The following TYK2 variants were observed in gnomAD, a reference collection of about 807,000 sequenced individuals.
The protein encoded by TYK2 is non-receptor tyrosine-protein kinase TYK2.
A neutral mutation model predicts 130.9 loss-of-function variants in TYK2; 65 were observed. The observed-to-expected ratio is 0.50, with a 90% CI of 0.41 to 0.61. TYK2 has a LOEUF of 0.61. TYK2 is among the 20% of genes least tolerant of loss of function. TYK2 has a pLI of 0.00. For missense variants in TYK2, 1,378 were observed against 1,610.7 expected (o/e 0.86, Z 2.47); for synonymous variants, 647 against 658.9 (o/e 0.98, Z 0.28).
intron 22 of TYK2, 137 bp from the exon 23 acceptor site, chr19:10,352,688 G>T: frequency 2.8e-6 from 2 of 714,630 alleles, no homozygotes; most frequent in Non-Finnish European, 2.4e-6. Context: ...CAGCCTGAGC[G>T]GGGTGATATG....
At chr19:10,355,640 CAAAAA>C (rs34951532) in intron 18 of TYK2, among the ~76,000 whole-genome samples, 9 of 69,972 alleles carry the variant, frequency 1.3e-4, no homozygotes, top group African/African-American at 4.9e-4. Flanking sequence ...AACTCCATCT[CAAAAA>C]AAAAAAAAAG....
rs556681460 is a variant in TYK2, at chr19:10,363,432, G to A, written c.1368-775C>T. Among the ~76,000 whole-genome samples, 13 of 151,674 alleles carry A rather than the reference G, an allele frequency of 8.6e-5. No individual in the cohort carries two copies. The South Asian group carries it at 2.5e-3, about 29-fold the overall frequency. On this transcript the variant is annotated intron_variant, in intron 9 of 24. Transcript: ENST00000525621. The stretch of plus-strand genomic sequence containing the variant: ...TGGGCTCAAGTGATTCTCCCACCTC[G>A]GCCTCCTAAAGCGCTGGGATTACAG...
rs762236651 is a variant in TYK2 at position 10,364,691 on chromosome 19, G to A, written c.1290C>T (p.Ser430=). 19 of 1,613,702 alleles carry A rather than the reference G, an allele frequency of 1.2e-5. No homozygotes were observed. Among genetic ancestry groups the A allele is most frequent in the Non-Finnish European group, 1.6e-5 (19 of 1,180,004 alleles). Reference sequence around the variant, plus strand: ...CCACCTCGTGGCACAGGTAGTGGCTGGAGTCGGCCGTCAGGCGGAAATAGC... The same window carrying A: ...CCACCTCGTGGCACAGGTAGTGGCTAGAGTCGGCCGTCAGGCGGAAATAGC... ...VDGYFRLTAD[S]SHYLCHEVAP... is the part of the protein sequence containing the mutation. Residue 430 remains serine, a synonymous_variant, in exon 9 of 25, where the codon TCC becomes TCT. Coordinates refer to ENST00000525621, the MANE Select transcript of TYK2 (RefSeq NM_003331.5). The surrounding 1 kb of genome is among the most constrained non-coding windows in gnomAD (Gnocchi z 4.9).
At position 10,354,156 on chromosome 19, in the gene TYK2, G is replaced by C. The variant is rs1223123955; in HGVS notation, c.2794C>G (p.Leu932Val). The change falls in exon 20 of 25, where the codon CTC becomes GTC. Residue 932 changes from leucine to valine, a missense_variant. Physicochemically the swap from Leu to Val is conservative, Grantham distance 32. Transcript: ENST00000525621. Reference protein sequence around the residue: ...GTGEMVAVKALKADCGPQHRS... With the variant: ...GTGEMVAVKAVKADCGPQHRS... ...TGCTGGGGGCCGCAGTCTGCCTTGA[G>C]GGCTTTCACCGCCACCATCTCGCCA... 1 of 1,613,882 alleles carries C rather than the reference G, an allele frequency of 6.2e-7. No individual in the cohort carries two copies. The highest frequency in any genetic ancestry group is 8.5e-7 in the Non-Finnish European group (1 of 1,180,032).
intron 17 of TYK2, 153 bp downstream of exon 17, chr19:10,357,611 T>C (rs778597865): frequency 5.4e-5 from 57 of 1,047,552 alleles, no homozygotes; most frequent in Non-Finnish European, 7.9e-5. Context: ...TGGGACTACA[T>C]TGAGCCCCAG....
At chr19:10,368,650 G>A (rs1283251373) in intron 3 of TYK2, 10 of 535,466 alleles carry the variant, frequency 1.9e-5, no homozygotes, top group Non-Finnish European at 3.3e-5. Flanking sequence ...GGAGCCAATT[G>A]CACTGCTGGT....
chr19:10,352,960 G>A lies in TYK2; in HGVS notation c.3166C>T (p.Arg1056Cys). ...GGGCTGTCCCCATCCTCGCGCACGC[G>A]GTAGTACTCGTGGCCTTCGGGCACG... Reference protein sequence around the residue: ...KAVPEGHEYYRVREDGDSPVF... With the variant: ...KAVPEGHEYYCVREDGDSPVF... The change falls in exon 22 of 25, where the codon CGC becomes TGC. Residue 1056 changes from arginine (R) to cysteine (C), a missense_variant. Arg to Cys is a radical substitution (Grantham distance 180). Coordinates refer to ENST00000525621, the MANE Select transcript of TYK2 (RefSeq NM_003331.5). 2.5e-6 allele frequency: 4 copies of A among 1,607,722 alleles called. 1 individual carries two copies. The South Asian group carries it at 3.3e-5, about 13-fold the overall frequency.
Position 10,362,442 on chromosome 19 carries a change from C to T in TYK2, c.1491G>A (p.Met497Ile). 1 of 1,603,998 alleles carries T rather than the reference C, an allele frequency of 6.2e-7. No homozygotes were observed. The highest frequency in any genetic ancestry group is 8.5e-7 in the Non-Finnish European group (1 of 1,174,254). ...VAQRSQAPDG[M>I]QSLRLRKFPI... ...GGAACTTTCGGAGCCGCAAGCTCTG[C>T]ATGCCGTCTGGTGCCTGGCAGGAGG... The change falls in exon 11 of 25, where the codon ATG (methionine) becomes ATA (isoleucine). Residue 497 changes from methionine to isoleucine, a missense_variant. Met to Ile is a conservative substitution (Grantham distance 10). Transcript: ENST00000525621.
Position 10,359,275 on chromosome 19 carries a change from T to C in TYK2, c.2075A>G (p.His692Arg), listed in dbSNP as rs2145196306. 6.2e-7 allele frequency: 1 copy of C among 1,611,922 alleles called. No individual in the cohort carries two copies. The highest frequency in any genetic ancestry group is 8.5e-7 in the Non-Finnish European group (1 of 1,179,928). ...CCGCAGCCACACATCCAGGGGTCCGTGCTCCACGTACTCTGTCACCATGAT... is the reference window on the plus strand; with the variant it reads ...CCGCAGCCACACATCCAGGGGTCCGCGCTCCACGTACTCTGTCACCATGAT... ...ENIMVTEYVE[H>R]GPLDVWLRRE... Residue 692 changes from histidine to arginine, a missense_variant, in exon 15 of 25, where the codon CAC (histidine) becomes CGC (arginine). Transcript: ENST00000525621.
At chr19:10,371,514 C>A (rs980352758) in intron 3 of TYK2, among the ~76,000 whole-genome samples, 1 of 151,956 alleles carries the variant, frequency 6.6e-6, no homozygotes, top group African/African-American at 2.4e-5. Context: ...GTGGCGCATG[C>A]CTGTAATCCC....
chr19:10,378,837 CTTATCTT>C (rs2042265931), intron 2 of TYK2, among the ~76,000 whole-genome samples: 101 of 17,430 alleles, frequency 5.8e-3, no homozygotes, highest in African/African-American at 9.9e-3. Flanking sequence ...TATTTTATAT[CTTATCTT>C]ATCTTATCTT....
chr19:10,358,058 G>A lies in TYK2; in HGVS notation c.2256C>T (p.Ser752=). Residue 752 remains serine, a synonymous_variant, in exon 16 of 25, where the codon AGC becomes AGT. Coordinates refer to ENST00000525621, the MANE Select transcript of TYK2 (RefSeq NM_003331.5). ...LARLGLAEGT[S]PFIKLSDPGV... is the part of the protein sequence containing the mutation. ...CAGGATCACTCAGCTTGATGAAGGG[G>A]CTGGTGCCCTCTGCCAACCCCAGCC... 1 of 1,613,382 alleles carries A rather than the reference G, an allele frequency of 6.2e-7. No homozygotes were observed. The highest frequency in any genetic ancestry group is 2.2e-5 in the East Asian group (1 of 44,878).
Position 10,352,584 on chromosome 19 carries a change from G to T in TYK2, c.3201-33C>A, listed in dbSNP as rs199929318. On this transcript the variant is annotated intron_variant, in intron 22 of 24. Transcript: ENST00000525621. ...GAGGGGGGCACTCAGGCCACGGGGGGCTGCACTGAGGGCTTGGGGATCAGA... is the reference window on the plus strand; with the variant it reads ...GAGGGGGGCACTCAGGCCACGGGGGTCTGCACTGAGGGCTTGGGGATCAGA... The T allele has an allele frequency of 1.2e-5, 12 of 1,039,428 alleles. 1 individual carries two copies. The highest frequency in any genetic ancestry group is 1.7e-5 in the Non-Finnish European group (12 of 693,554). 64.4% of individuals were successfully genotyped at this position (1,039,428 alleles called of 1,614,324 possible).
intron 3 of TYK2, among the ~76,000 whole-genome samples, chr19:10,374,674 C>G (rs1411193890): frequency 2.1e-5 from 3 of 146,288 alleles, no homozygotes; most frequent in Non-Finnish European, 4.5e-5. Flanking sequence ...GAACAGCATG[C>G]ATGTTCAAGA....
At chr19:10,357,127 GC>G in intron 17 of TYK2, 1 of 383,748 alleles carries the variant, frequency 2.6e-6, no homozygotes, top group Non-Finnish European at 4.9e-6. Flanking sequence ...TGTGGCTCAT[GC>G]CTGTAATCCC....
chr19:10,361,906 A>C lies in TYK2; in HGVS notation c.1823T>G (p.Leu608Arg), dbSNP rs770426879. The change falls in exon 13 of 25, where the codon CTG (leucine) becomes CGG (arginine). Residue 608 changes from leucine to arginine, a missense_variant. Leu to Arg is a moderately radical substitution (Grantham distance 102). Coordinates refer to ENST00000525621, the MANE Select transcript of TYK2 (RefSeq NM_003331.5). The surrounding 1 kb of genome is among the most constrained non-coding windows in gnomAD (Gnocchi z 4.0). ...GTRTNVYEGR[L>R]RVEGSGDPEE... is the part of the protein sequence containing the mutation. ...AGGGTCCCCGCTGCCCTCCACTCGCAGGCGGCCCTCATACACGTTGGTCCT... is the reference window on the plus strand; with the variant it reads ...AGGGTCCCCGCTGCCCTCCACTCGCCGGCGGCCCTCATACACGTTGGTCCT... The C allele has an allele frequency of 6.2e-7, 1 of 1,613,898 alleles. No individual in the cohort carries two copies. The highest frequency in any genetic ancestry group is 1.3e-5 in the African/African-American group (1 of 74,898).
At chr19:10,366,294 G>C in intron 6 of TYK2, 123 bp downstream of exon 6, 3 of 1,015,102 alleles carry the variant, frequency 3.0e-6, no homozygotes, top group Non-Finnish European at 4.3e-6. Flanking sequence ...GTGACAGAGA[G>C]AGACTCCGGC....
At chr19:10,354,415 C>A in intron 19 of TYK2, 97 bp downstream of exon 19, 1 of 1,394,158 alleles carries the variant, frequency 7.2e-7, no homozygotes, top group Non-Finnish European at 1.0e-6. Context: ...GTCCCACCCA[C>A]ATCTCCTGAG....
intron 2 of TYK2, 87 bp from the exon 3 acceptor site, chr19:10,378,513 C>T (rs1363935588): frequency 5.5e-6 from 6 of 1,092,738 alleles, no homozygotes; most frequent in Non-Finnish European, 8.0e-6. Context: ...CCAGCTAAGG[C>T]CTGAGGGGAA....
Sources: gnomAD v4.1 joint callset for allele counts (sites outside exome capture counted in the v4.1 genomes callset) on GRCh38, gnomAD v4.1.1 for gene constraint, Gnocchi (gnomAD v3.1) non-coding constraint, MANE v1.5 for transcripts, NCBI Gene and HGNC (gene_info 2026-07-23, HGNC 2026-07-21) for gene names.